The following CXADR variants were observed in gnomAD, a reference collection of about 807,000 sequenced individuals.
CXADR encodes the protein coxsackievirus and adenovirus receptor.
CXADR carries 20 observed loss-of-function variants against 40.3 expected under a neutral mutation model. That is an observed-to-expected ratio of 0.50 (90% CI 0.35 to 0.72). CXADR has a LOEUF of 0.72. CXADR is among the 30% of genes least tolerant of loss of function. The pLI is 0.01. For synonymous variants in CXADR, 150 were observed against 161.3 expected, an observed-to-expected ratio of 0.93 and a Z score of 0.53; for missense variants, 332 against 449.1, an observed-to-expected ratio of 0.74 and a Z score of 2.36.
chr21:17,623,016 G>A, the CXADR span, among the ~76,000 whole-genome samples: 5 of 151,618 alleles, frequency 3.3e-5, no homozygotes, highest in Non-Finnish European at 7.4e-5. Flanking sequence ...TTTGAGACAG[G>A]GTCTTGCTGT....
Position 17,569,792 on chromosome 21 carries a change from G to A in CXADR, c.*4100G>A, listed in dbSNP as rs1684197549. 2 of 985,254 alleles carry A rather than the reference G, an allele frequency of 2.0e-6. No individual in the cohort carries two copies. The highest frequency in any genetic ancestry group is 2.4e-6 in the Non-Finnish European group (2 of 829,810). 61.0% of individuals were successfully genotyped at this position (985,254 alleles called of 1,614,324 possible). Reference sequence around the variant, plus strand: ...AAGCTCCATCAAAACAGAACTTTGTGTTTTCTGCTAACTTATTTAATGACA... The same window carrying A: ...AAGCTCCATCAAAACAGAACTTTGTATTTTCTGCTAACTTATTTAATGACA... On this transcript the variant is annotated 3_prime_UTR_variant, in exon 7 of 7. Coordinates refer to ENST00000284878, the MANE Select transcript of CXADR (RefSeq NM_001338.5).
chr21:17,515,954 G>A lies in CXADR; in HGVS notation c.43+2782G>A, dbSNP rs906206827. Among the ~76,000 whole-genome samples the A allele has an allele frequency of 5.9e-5, 9 of 152,262 alleles. No homozygotes were observed. In the South Asian group the frequency reaches 1.9e-3, roughly 32 times the overall value. On this transcript the variant is annotated intron_variant, in intron 1 of 6. Transcript: ENST00000284878. ...TCCTCCAGCTCTGAAACAGTTTTGT[G>A]GTATACTCTGGCTGCAGATGGGACT...
At chr21:17,604,818 C>T in the CXADR span, 1 of 1,586,466 alleles carries the variant, frequency 6.3e-7, no homozygotes, top group Admixed American at 1.8e-5. Flanking sequence ...AAAATTAGTT[C>T]CAGCATGGTC....
In CXADR at chr21:17,526,131, G is replaced by A. The variant is rs73199476; in HGVS notation, c.43+12959G>A. On this transcript the variant is annotated intron_variant, in intron 1 of 6. Coordinates refer to ENST00000284878, the MANE Select transcript of CXADR (RefSeq NM_001338.5). ...ACTAGCCATGTTTCAAGTGCCAGCA[G>A]CTACTGTATTGGTCAGCACTAGGAG... is the stretch of plus-strand genomic sequence containing the variant. Among the ~76,000 whole-genome samples, 1,092 of 152,274 alleles carry A rather than the reference G, an allele frequency of 7.2e-3. 10 individuals carry two copies. Among genetic ancestry groups the A allele is most frequent in the Non-Finnish European group, 9.0e-3 (610 of 68,028 alleles).
intron 7 of CXADR, among the ~76,000 whole-genome samples, chr21:17,591,009 C>T (rs2061431134): frequency 6.6e-6 from 1 of 152,006 alleles, no homozygotes; most frequent in African/African-American, 2.4e-5. Context: ...TCAATAGATA[C>T]TTTAATGTCT....
rs545549266 is a variant in CXADR, at chr21:17,544,180, G to A, written c.44-2847G>A. 5.9e-5 allele frequency among the ~76,000 whole-genome samples: 9 copies of A among 152,292 alleles called. No individual in the cohort carries two copies. The South Asian group carries it at 1.7e-3, about 28-fold the overall frequency. On this transcript the variant is annotated intron_variant, in intron 1 of 6. Transcript: ENST00000284878. Reference sequence around the variant, plus strand: ...ATAGAGAAAGAAAAATCATTGTAGGGTGGAGAGGTAGAAATGCCTTAATGA... The same window carrying A: ...ATAGAGAAAGAAAAATCATTGTAGGATGGAGAGGTAGAAATGCCTTAATGA...
At chr21:17,570,138 A>G, downstream of CXADR, 1 of 985,374 alleles carries the variant, frequency 1.0e-6, no homozygotes, top group Non-Finnish European at 1.2e-6. Context: ...TGCCTTTTAT[A>G]CAGTGTCCAC....
intron 7 of CXADR, among the ~76,000 whole-genome samples, chr21:17,588,383 G>A (rs536212166): frequency 2.6e-4 from 40 of 151,978 alleles, no homozygotes; most frequent in African/African-American, 5.5e-4. Context: ...ATGTTCTTCC[G>A]TTTGTTTGTA....
chr21:17,567,064 C>T lies in CXADR; in HGVS notation c.*1372C>T. ...AGAAGAAAGTGGGTTTATTGTATTT[C>T]CCTTAAGATTGTGAGGGAGTGTGGA... is the stretch of plus-strand genomic sequence containing the variant. On this transcript the variant is annotated 3_prime_UTR_variant, in exon 7 of 7. Coordinates refer to ENST00000284878, the MANE Select transcript of CXADR (RefSeq NM_001338.5). 1.0e-6 allele frequency: 1 copy of T among 983,292 alleles called. No individual in the cohort carries two copies. The highest frequency in any genetic ancestry group is 1.2e-6 in the Non-Finnish European group (1 of 828,086). 60.9% of individuals were successfully genotyped at this position (983,292 alleles called of 1,614,324 possible).
At chr21:17,521,651 C>T (rs1386140809) in intron 1 of CXADR, among the ~76,000 whole-genome samples, 1 of 152,144 alleles carries the variant, frequency 6.6e-6, no homozygotes, top group Non-Finnish European at 1.5e-5. Context: ...GAGGAGTGGG[C>T]ATCAGGTAAG....
intron 7 of CXADR, among the ~76,000 whole-genome samples, chr21:17,583,135 A>C (rs2061372385): frequency 6.6e-6 from 1 of 152,228 alleles, no homozygotes; most frequent in African/African-American, 2.4e-5. Context: ...GAGAGAACAC[A>C]AAGTAAAATT....
At chr21:17,570,882 G>A (rs2061272351), downstream of CXADR, among the ~76,000 whole-genome samples, 1 of 152,098 alleles carries the variant, frequency 6.6e-6, no homozygotes, top group South Asian at 2.1e-4. Flanking sequence ...TTTATACTAG[G>A]GTTTCTCAAC....
the CXADR span, among the ~76,000 whole-genome samples, chr21:17,624,235 A>C: frequency 6.6e-6 from 1 of 152,226 alleles, no homozygotes; most frequent in East Asian, 1.9e-4. Context: ...CAAGTCTCAC[A>C]GTATTAGTTT....
chr21:17,547,332 T>C (rs2060911222), intron 2 of CXADR, 139 bp downstream of exon 2: 2 of 1,220,534 alleles, frequency 1.6e-6, no homozygotes. Flanking sequence ...ATGGTCTGGG[T>C]GAGGAAGGCA....
chr21:17,545,788 T>TG (rs2060889808), intron 1 of CXADR, among the ~76,000 whole-genome samples: 1 of 151,498 alleles, frequency 6.6e-6, no homozygotes, highest in South Asian at 2.1e-4. Flanking sequence ...TTTGTTTTTT[T>TG]TTTTTTTTGA....
the CXADR span, among the ~76,000 whole-genome samples, chr21:17,627,984 T>A: frequency 4.6e-4 from 70 of 152,370 alleles, 1 homozygote; most frequent in East Asian, 9.1e-3. Context: ...AAGCAAGTAA[T>A]TCTCTTTTTT....
chr21:17,546,991 G>C (rs1276080185), intron 1 of CXADR, 36 bp from the exon 2 acceptor site: 1 of 1,608,832 alleles, frequency 6.2e-7, no homozygotes, highest in Non-Finnish European at 8.5e-7. Context: ...TCAGCGTATA[G>C]CAAATGCTTA....
chr21:17,620,644 T>G, the CXADR span, among the ~76,000 whole-genome samples: 4 of 152,068 alleles, frequency 2.6e-5, no homozygotes, highest in African/African-American at 9.7e-5. Context: ...ATGCAATATC[T>G]GCAAGTTCCA....
Position 17,567,700 on chromosome 21 carries a change from A to G in CXADR, c.*2008A>G. On this transcript the variant is annotated 3_prime_UTR_variant, in exon 7 of 7. Transcript: ENST00000284878. ...CAGATGTTTGGCCTGTTTTATATGA[A>G]TAAAGTTTATTTATAAAATATTATA... The G allele has an allele frequency of 1.1e-6, 1 of 881,048 alleles. No homozygotes were observed. The highest frequency in any genetic ancestry group is 1.4e-6 in the Non-Finnish European group (1 of 734,216). 54.6% of individuals were successfully genotyped at this position (881,048 alleles called of 1,614,324 possible).
Sources: allele counts gnomAD v4.1 joint callset (sites outside exome capture counted in the v4.1 genomes callset), GRCh38; gene constraint gnomAD v4.1.1; transcripts MANE v1.5; gene names NCBI Gene and HGNC (gene_info 2026-07-23, HGNC 2026-07-21).